The following HPSE variants were observed in gnomAD, a reference collection of about 807,000 sequenced individuals.
HPSE encodes the protein heparanase, also known as endo-glucoronidase.
A neutral mutation model predicts 65.1 loss-of-function variants in HPSE; 48 were observed. The observed-to-expected ratio is 0.74, with a 90% CI of 0.58 to 0.94. The LOEUF (loss-of-function observed/expected upper bound fraction) is 0.94, where lower values mean the gene tolerates loss of function less well. HPSE is among the 40% of genes least tolerant of loss of function. The pLI is 0.00. For synonymous variants in HPSE, 243 were observed against 260.0 expected, an observed-to-expected ratio of 0.93 and a Z score of 0.63; for missense variants, 644 against 637.5, an observed-to-expected ratio of 1.01 and a Z score of -0.11.
intron 1 of HPSE, among the ~76,000 whole-genome samples, chr4:83,332,827 G>C (rs1167270792): frequency 6.6e-6 from 1 of 152,140 alleles, no homozygotes; most frequent in Non-Finnish European, 1.5e-5. Flanking sequence ...TTGGGGAGAG[G>C]TTGGGGAATA....
rs1440045242 is a variant in HPSE, at chr4:83,334,596, C to T, written c.187G>A (p.Ala63Thr). Residue 63 changes from alanine (A) to threonine (T), a missense_variant, in exon 1 of 12, where the codon GCC becomes ACC. Ala to Thr is a moderately conservative substitution (Grantham distance 58). Transcript: ENST00000311412. ...AACCGCGGGTCCGTGGCCAGGTTGG[C>T]GTCAATGGTGACGGACAGGAACGAG... ...SPSFLSVTID[A>T]NLATDPRFLI... The T allele has an allele frequency of 1.3e-6, 2 of 1,592,682 alleles. No individual in the cohort carries two copies. Among genetic ancestry groups the T allele is most frequent in the Admixed American group, 1.8e-5 (1 of 56,746 alleles).
intron 10 of HPSE, among the ~76,000 whole-genome samples, chr4:83,301,926 C>T (rs1444500041): frequency 1.3e-5 from 2 of 152,128 alleles, no homozygotes. Context: ...CACTGCACTC[C>T]AGCCTGGGTG....
At chr4:83,315,986 G>A (rs972734361) in intron 3 of HPSE, among the ~76,000 whole-genome samples, 7 of 152,020 alleles carry the variant, frequency 4.6e-5, no homozygotes, top group Non-Finnish European at 1.0e-4. Context: ...CTGGAATAGA[G>A]GCTATTGACG....
Position 83,310,705 on chromosome 4 carries a change from C to T in HPSE, c.842+17G>A, listed in dbSNP as rs760082862. The T allele has an allele frequency of 2.5e-6, 4 of 1,583,594 alleles. No homozygotes were observed. In the South Asian group the frequency reaches 3.4e-5, roughly 14 times the overall value. ...AAAGAAGAAAAGTAAAGTGATTCTG[C>T]ATCCTCTAGTTCCTACCTCTTCAGC... is the stretch of plus-strand genomic sequence containing the variant. On this transcript the variant is annotated intron_variant, in intron 5 of 11. Transcript: ENST00000311412.
intron 4 of HPSE, among the ~76,000 whole-genome samples, chr4:83,312,550 T>C (rs1234274053): frequency 2.1e-5 from 3 of 143,980 alleles, no homozygotes; most frequent in Middle Eastern, 3.9e-3. Context: ...TGGTGGCGGG[T>C]GCGTGTAGTC....
At chr4:83,334,293 A>C (rs1179916081) in intron 1 of HPSE, among the ~76,000 whole-genome samples, 1 of 152,198 alleles carries the variant, frequency 6.6e-6, no homozygotes, top group Non-Finnish European at 1.5e-5. Context: ...AGATGCCACC[A>C]CAATGCAATA....
At chr4:83,330,927 G>A (rs1288071558) in intron 1 of HPSE, among the ~76,000 whole-genome samples, 4 of 152,174 alleles carry the variant, frequency 2.6e-5, no homozygotes, top group African/African-American at 4.8e-5. Context: ...ATCTGAGGCC[G>A]GGTGCAGTGG....
chr4:83,329,828 CTG>C (rs1427789273), intron 1 of HPSE, among the ~76,000 whole-genome samples: 2 of 152,014 alleles, frequency 1.3e-5, no homozygotes, highest in African/African-American at 4.8e-5. Context: ...GGAGAGGAAA[CTG>C]TGAGATCAGT....
chr4:83,305,377 G>A (rs1736112112), intron 9 of HPSE, among the ~76,000 whole-genome samples: 1 of 152,146 alleles, frequency 6.6e-6, no homozygotes. Flanking sequence ...TGACTAATAT[G>A]TTCCACAAGC....
chr4:83,299,394 A>G (rs1253667510), intron 11 of HPSE, among the ~76,000 whole-genome samples: 1 of 142,126 alleles, frequency 7.0e-6, no homozygotes, highest in African/African-American at 2.5e-5. Flanking sequence ...AAAAAAGAAG[A>G]AAGAGAAAAT....
intron 11 of HPSE, among the ~76,000 whole-genome samples, chr4:83,297,046 T>C (rs1039367101): frequency 6.6e-6 from 1 of 152,206 alleles, no homozygotes; most frequent in African/African-American, 2.4e-5. Context: ...CATTGTAACA[T>C]TGTAGCACAA....
Position 83,313,305 on chromosome 4 carries a change from C to A in HPSE, c.500-18G>T. 2 of 1,588,582 alleles carry A rather than the reference C, an allele frequency of 1.3e-6. No homozygotes were observed. The highest frequency in any genetic ancestry group is 1.1e-5 in the South Asian group (1 of 87,456). ...AGAGCTTCCTAAAAGAAAAACGTCACAATTTAATGGTTAGATTGGCACCAC... is the reference window on the plus strand; with the variant it reads ...AGAGCTTCCTAAAAGAAAAACGTCAAAATTTAATGGTTAGATTGGCACCAC... On this transcript the variant is annotated intron_variant, in intron 3 of 11. Coordinates refer to ENST00000311412, the MANE Select transcript of HPSE (RefSeq NM_001098540.3).
intron 3 of HPSE, among the ~76,000 whole-genome samples, 180 bp from the exon 4 acceptor site, chr4:83,313,467 G>T (rs1252458741): frequency 6.6e-6 from 1 of 152,082 alleles, no homozygotes; most frequent in Admixed American, 6.6e-5. Flanking sequence ...AAATCAATCT[G>T]ACTTCATTTG....
rs772942252 is a variant in HPSE, at chr4:83,301,121, G to T, written c.1326-15C>A. 1 of 1,526,656 alleles carries T rather than the reference G, an allele frequency of 6.6e-7. No individual in the cohort carries two copies. Among genetic ancestry groups the T allele is most frequent in the Admixed American group, 2.1e-5 (1 of 48,240 alleles). 94.6% of individuals were successfully genotyped at this position (1,526,656 alleles called of 1,614,324 possible). On this transcript the variant is annotated splice_polypyrimidine_tract_variant and intron_variant, in intron 10 of 11. Coordinates refer to ENST00000311412, the MANE Select transcript of HPSE (RefSeq NM_001098540.3). The stretch of plus-strand genomic sequence containing the variant: ...TATACCTTGGACTAAAAGCAAAGAG[G>T]TTAACTTAATAGAAATATGTATCTA...
At chr4:83,322,492 A>G in intron 1 of HPSE, 128 bp from the exon 2 acceptor site, 1 of 753,762 alleles carries the variant, frequency 1.3e-6, no homozygotes, top group Non-Finnish European at 2.0e-6. Flanking sequence ...AGAGGAGGAA[A>G]TCACATTGTT....
chr4:83,327,503 A>T (rs967274667), intron 1 of HPSE, among the ~76,000 whole-genome samples: 1 of 152,258 alleles, frequency 6.6e-6, no homozygotes, highest in Non-Finnish European at 1.5e-5. Context: ...AGAAAAATAA[A>T]GGAAAAATAA....
chr4:83,322,789 T>TTTTGTGTGTGTGTGTGTGTGTG (rs1553920742), intron 1 of HPSE, among the ~76,000 whole-genome samples: 1 of 104,004 alleles, frequency 9.6e-6, no homozygotes, highest in East Asian at 3.6e-4. Flanking sequence ...AAGAGCTTGT[T>TTTTGTGTGTGTGTGTGTGTGTG]TGTGTGTGTG....
chr4:83,310,711 C>G lies in HPSE; in HGVS notation c.842+11G>C. On this transcript the variant is annotated intron_variant, in intron 5 of 11. Coordinates refer to ENST00000311412, the MANE Select transcript of HPSE (RefSeq NM_001098540.3). ...GAAAAGTAAAGTGATTCTGCATCCT[C>G]TAGTTCCTACCTCTTCAGCATCTTA... 1 of 1,604,896 alleles carries G rather than the reference C, an allele frequency of 6.2e-7. No individual in the cohort carries two copies. The highest frequency in any genetic ancestry group is 8.5e-7 in the Non-Finnish European group (1 of 1,176,400).
At chr4:83,319,701 A>G (rs1028626948) in intron 2 of HPSE, among the ~76,000 whole-genome samples, 4 of 152,162 alleles carry the variant, frequency 2.6e-5, no homozygotes, top group South Asian at 2.1e-4. Flanking sequence ...TATTGAACAT[A>G]CACTGAACAT....
Sources: gnomAD v4.1 joint callset for allele counts (sites outside exome capture counted in the v4.1 genomes callset) on GRCh38, gnomAD v4.1.1 for gene constraint, MANE v1.5 for transcripts, NCBI Gene and HGNC (gene_info 2026-07-23, HGNC 2026-07-21) for gene names.